Variants in SRRM4 observed in about 807,000 individuals in gnomAD.
SRRM4 encodes the protein serine/arginine repetitive matrix protein 4.
In SRRM4, 33 loss-of-function variants were observed where a neutral mutation model predicts 68.9. The ratio of observed to expected loss-of-function variants is 0.48; its 90% confidence interval spans 0.36 to 0.64. The LOEUF (loss-of-function observed/expected upper bound fraction) is 0.64. Among genes scored for constraint, SRRM4 ranks in the 30% least tolerant of loss-of-function variants. The probability of loss-of-function intolerance (pLI) is 0.00; values close to 1 mark genes in which losing one functional copy is unlikely to be tolerated. For missense variants in SRRM4, 817 were observed against 827.1 expected, an observed-to-expected ratio of 0.99 and a Z score of 0.15; for synonymous variants, 318 against 318.8, an observed-to-expected ratio of 1.00 and a Z score of 0.03.
At chr12:119,050,289 G>C (rs1275038094) in intron 1 of SRRM4, among the ~76,000 whole-genome samples, 1 of 152,134 alleles carries the variant, frequency 6.6e-6, no homozygotes, top group Non-Finnish European at 1.5e-5. Flanking sequence ...ACAGAGTTCT[G>C]GATCTGTTCT....
intron 1 of SRRM4, among the ~76,000 whole-genome samples, chr12:119,019,342 G>A (rs547201193): frequency 6.6e-6 from 1 of 152,218 alleles, no homozygotes; most frequent in Admixed American, 6.5e-5. Context: ...ATGGGTGTTC[G>A]GCAGATGGGG....
chr12:119,056,699 T>C (rs769968084), intron 1 of SRRM4, among the ~76,000 whole-genome samples: 17 of 152,196 alleles, frequency 1.1e-4, no homozygotes, highest in Non-Finnish European at 2.1e-4. Context: ...CTCGGCCTTC[T>C]TTTGCATGCA....
intron 8 of SRRM4, among the ~76,000 whole-genome samples, chr12:119,138,982 C>A (rs116074851): frequency 0.011 from 1,747 of 152,196 alleles, 43 homozygotes; most frequent in African/African-American, 0.04. Context: ...GGCATTATTA[C>A]CAGATGACAG....
rs142355765 is a variant in SRRM4 at position 119,066,666 on chromosome 12, T to C, written c.132-35570T>C. Reference sequence around the variant, plus strand: ...ATGTTGCTTCCTTAGGTTTCAAGGATGTGTTTATAATAAATCGTCTACAGC... The same window carrying C: ...ATGTTGCTTCCTTAGGTTTCAAGGACGTGTTTATAATAAATCGTCTACAGC... On this transcript the variant is annotated intron_variant, in intron 1 of 12. Transcript: ENST00000267260. Among the ~76,000 whole-genome samples the C allele has an allele frequency of 4.5e-4, 69 of 152,354 alleles. 1 individual carries two copies. The highest frequency in any genetic ancestry group is 2.2e-3 in the Admixed American group (34 of 15,310).
At position 118,981,731 on chromosome 12, in the gene SRRM4, C is replaced by G; in HGVS notation, c.-152C>G. 2 of 802,044 alleles carry G rather than the reference C, an allele frequency of 2.5e-6. No homozygotes were observed. The highest frequency in any genetic ancestry group is 3.8e-6 in the Non-Finnish European group (2 of 522,282). The allele number at this position is 802,044 out of a possible 1,614,324, so 49.7% of individuals were successfully genotyped here. On this transcript the variant is annotated 5_prime_UTR_variant, in exon 1 of 13. Coordinates refer to ENST00000267260, the MANE Select transcript of SRRM4 (RefSeq NM_194286.4). ...TGCTGCCTGCCCGGGCTGGGGCGTC[C>G]CATCCCCCGCCCTGAACTCCGATCT...
chr12:119,159,449 A>C lies in SRRM4; in HGVS notation c.*2651A>C, dbSNP rs1954495596. 1 of 152,238 alleles carries C rather than the reference A, an allele frequency of 6.6e-6. No homozygotes were observed. 9.4% of individuals were successfully genotyped at this position (152,238 alleles called of 1,614,324 possible). ...TTGGAGACAGATGTGCTATCTCCTAACAGAGTGATGAGGCTTCAGTTGAGT... is the reference window on the plus strand; with the variant it reads ...TTGGAGACAGATGTGCTATCTCCTACCAGAGTGATGAGGCTTCAGTTGAGT... On this transcript the variant is annotated 3_prime_UTR_variant, in exon 13 of 13. Coordinates refer to ENST00000267260, the MANE Select transcript of SRRM4 (RefSeq NM_194286.4).
At position 119,130,718 on chromosome 12, in the gene SRRM4, C is replaced by T. The variant is rs1954291813; in HGVS notation, c.655C>T (p.Arg219Ter). The T allele has an allele frequency of 2.5e-6, 4 of 1,610,706 alleles. No individual in the cohort carries two copies. The highest frequency in any genetic ancestry group is 3.4e-6 in the Non-Finnish European group (4 of 1,179,718). ...RSPEEGQKSR[R>*]RHSRRCSKTL... is the part of the protein sequence containing the mutation. ...CCCTGAGGAAGGGCAGAAGTCCCGC[C>T]GAAGGCACTCCCGCCGCTGCTCCAA... is the stretch of plus-strand genomic sequence containing the variant. Residue 219 changes from arginine (R) to a stop codon, truncating the protein, a stop_gained, in exon 8 of 13, where the codon CGA (arginine) becomes TGA (stop). Coordinates refer to ENST00000267260, the MANE Select transcript of SRRM4 (RefSeq NM_194286.4). LOFTEE classifies it high-confidence loss of function.
chr12:118,989,318 G>T (rs1953301637), intron 1 of SRRM4, among the ~76,000 whole-genome samples: 1 of 152,118 alleles, frequency 6.6e-6, no homozygotes, highest in Non-Finnish European at 1.5e-5. Flanking sequence ...CCCTTTGATT[G>T]TGAACAATCA....
chr12:119,125,359 C>T (rs776977300), intron 6 of SRRM4, 22 bp from the exon 7 acceptor site: 11 of 1,604,682 alleles, frequency 6.9e-6, no homozygotes, highest in Non-Finnish European at 7.7e-6. Context: ...TCCTCTGACT[C>T]GTTCCTTCTC....
chr12:119,084,683 A>G (rs1953968931), intron 1 of SRRM4, among the ~76,000 whole-genome samples: 1 of 152,140 alleles, frequency 6.6e-6, no homozygotes, highest in South Asian at 2.1e-4. Flanking sequence ...ATGGAGCAGA[A>G]GTCTCAGGCT....
intron 1 of SRRM4, among the ~76,000 whole-genome samples, chr12:119,042,933 A>G (rs1447003324): frequency 6.6e-6 from 1 of 152,160 alleles, no homozygotes; most frequent in African/African-American, 2.4e-5. Flanking sequence ...ATGCTTTTAC[A>G]CTGTTGGTGG....
chr12:119,079,559 AC>A (rs1195041578), intron 1 of SRRM4, among the ~76,000 whole-genome samples: 1 of 151,950 alleles, frequency 6.6e-6, no homozygotes, highest in African/African-American at 2.4e-5. Context: ...GTTTGCAATG[AC>A]TCTAAACTGC....
chr12:119,105,307 T>C (rs1165009103), intron 2 of SRRM4, among the ~76,000 whole-genome samples: 3 of 152,200 alleles, frequency 2.0e-5, no homozygotes, highest in African/African-American at 7.2e-5. Flanking sequence ...TATAGCAGCA[T>C]GATTTATAAT....
chr12:119,087,799 A>T (rs1953988707), intron 1 of SRRM4, among the ~76,000 whole-genome samples: 1 of 152,148 alleles, frequency 6.6e-6, no homozygotes, highest in African/African-American at 2.4e-5. Context: ...AGTGGGGCCC[A>T]TGCTCAGTCT....
intron 1 of SRRM4, among the ~76,000 whole-genome samples, chr12:119,098,141 T>C (rs866399313): frequency 1.3e-5 from 2 of 152,250 alleles, no homozygotes; most frequent in African/African-American, 2.4e-5. Flanking sequence ...AGCAGCCATA[T>C]GGAGAGGCCC....
At chr12:119,001,472 G>A (rs1953383725) in intron 1 of SRRM4, among the ~76,000 whole-genome samples, 1 of 152,206 alleles carries the variant, frequency 6.6e-6, no homozygotes, top group African/African-American at 2.4e-5. Context: ...ATTAAGGTGA[G>A]CATTTCAGGC....
chr12:119,055,038 C>T (rs148987709), intron 1 of SRRM4, among the ~76,000 whole-genome samples: 37 of 152,162 alleles, frequency 2.4e-4, no homozygotes, highest in African/African-American at 8.9e-4. Context: ...GTGAAGCCAC[C>T]TCTGCTTGCA....
At chr12:119,036,193 C>A (rs771063433) in intron 1 of SRRM4, among the ~76,000 whole-genome samples, 8 of 152,180 alleles carry the variant, frequency 5.3e-5, no homozygotes, top group Non-Finnish European at 1.2e-4. Flanking sequence ...CAGTGTCCCA[C>A]GTCTTCACAC....
At chr12:118,999,943 G>A (rs1311668107) in intron 1 of SRRM4, among the ~76,000 whole-genome samples, 2 of 152,210 alleles carry the variant, frequency 1.3e-5, no homozygotes, top group Non-Finnish European at 2.9e-5. Flanking sequence ...GAAGTACTAT[G>A]TTTTGTTCAC....
Sources: gnomAD v4.1 joint callset for allele counts (sites outside exome capture counted in the v4.1 genomes callset) on GRCh38, gnomAD v4.1.1 for gene constraint, MANE v1.5 for transcripts, NCBI Gene and HGNC (gene_info 2026-07-23, HGNC 2026-07-21) for gene names.